The following ACTR6 variants were observed in gnomAD, a reference collection of about 807,000 sequenced individuals.
ACTR6 encodes actin related protein 6.
ACTR6 carries 50 observed loss-of-function variants against 52.5 expected under a neutral mutation model. That is an observed-to-expected ratio of 0.95 (90% CI 0.76 to 1.20). ACTR6 has a LOEUF of 1.20. Ranked by LOEUF, ACTR6 falls within the 50% of genes most tolerant of loss-of-function variation. ACTR6 has a pLI of 0.00. For synonymous variants in ACTR6, 135 were observed against 147.2 expected, an observed-to-expected ratio of 0.92 and a Z score of 0.60; for missense variants, 344 against 472.4, an observed-to-expected ratio of 0.73 and a Z score of 2.52.
chr12:100,215,252 T>G (rs923129495), intron 8 of ACTR6, among the ~76,000 whole-genome samples: 1 of 152,236 alleles, frequency 6.6e-6, no homozygotes, highest in Non-Finnish European at 1.5e-5. Flanking sequence ...GATGATTGGA[T>G]AGTCAACTAG....
intron 6 of ACTR6, 91 bp from the exon 7 acceptor site, chr12:100,212,165 C>A: frequency 1.1e-6 from 1 of 881,836 alleles, no homozygotes; most frequent in Non-Finnish European, 1.7e-6. Flanking sequence ...AATCAGTTAC[C>A]TGAAAATTTA....
At chr12:100,219,285 G>T (rs777428211) in intron 9 of ACTR6, among the ~76,000 whole-genome samples, 5 of 151,724 alleles carry the variant, frequency 3.3e-5, no homozygotes, top group Admixed American at 1.3e-4. Context: ...GTACTACACT[G>T]CTTTAAGGTC....
chr12:100,216,819 C>A (rs113083200), intron 8 of ACTR6, among the ~76,000 whole-genome samples: 2 of 147,802 alleles, frequency 1.4e-5, no homozygotes, highest in Admixed American at 1.3e-4. Context: ...TACTATATAA[C>A]AATATTTTGG....
chr12:100,218,518 C>G lies in ACTR6; in HGVS notation c.854C>G (p.Ser285Cys). 6.3e-7 allele frequency: 1 copy of G among 1,590,494 alleles called. No individual in the cohort carries two copies. The highest frequency in any genetic ancestry group is 1.1e-5 in the South Asian group (1 of 87,720). Reference sequence around the variant, plus strand: ...GTTCCGGAAATACTCTTTAATCCTTCTGATATAGGCATTCAAGAAATGGGA... The same window carrying G: ...GTTCCGGAAATACTCTTTAATCCTTGTGATATAGGCATTCAAGAAATGGGA... ...FAVPEILFNP[S>C]DIGIQEMGIP... Residue 285 changes from serine (S) to cysteine (C), a missense_variant, in exon 9 of 11, where the codon TCT becomes TGT. Coordinates refer to ENST00000188312, the MANE Select transcript of ACTR6 (RefSeq NM_022496.5). The surrounding 1 kb of genome is among the most constrained non-coding windows in gnomAD (Gnocchi z 4.2).
At chr12:100,223,324 G>C (rs868812065) in intron 10 of ACTR6, among the ~76,000 whole-genome samples, 3 of 151,934 alleles carry the variant, frequency 2.0e-5, no homozygotes, top group African/African-American at 7.3e-5. Context: ...CTGGGCGATA[G>C]AGTGAGACTC....
At chr12:100,209,468 C>T (rs2096118002) in intron 4 of ACTR6, among the ~76,000 whole-genome samples, 1 of 152,174 alleles carries the variant, frequency 6.6e-6, no homozygotes, top group African/African-American at 2.4e-5. Context: ...TTGCAGTGTG[C>T]CATGATCATT....
chr12:100,214,954 A>G (rs939609195), intron 8 of ACTR6, among the ~76,000 whole-genome samples: 1 of 152,206 alleles, frequency 6.6e-6, no homozygotes, highest in Admixed American at 6.5e-5. Context: ...AAACATTTAA[A>G]TACCAAACCT....
At chr12:100,213,100 G>T (rs528033114) in intron 8 of ACTR6, among the ~76,000 whole-genome samples, 12 of 151,018 alleles carry the variant, frequency 7.9e-5, no homozygotes, top group South Asian at 4.2e-4. Context: ...TGTTTTTTTG[G>T]TTTTTTTTGA....
chr12:100,218,762 GT>G lies in ACTR6; in HGVS notation c.922+185del, dbSNP rs926355529. 6.6e-5 allele frequency among the ~76,000 whole-genome samples: 10 copies of G among 150,578 alleles called. No homozygotes were observed. Among genetic ancestry groups the G allele is most frequent in the East Asian group, 1.9e-4 (1 of 5,164 alleles). ...ATTCTTGATTCATCTTTGATTATAA[GT>G]TTTTTTTTGTGATTATAAATTCGAT... is the stretch of plus-strand genomic sequence containing the variant. On this transcript the variant is annotated intron_variant, in intron 9 of 10. Coordinates refer to ENST00000188312, the MANE Select transcript of ACTR6 (RefSeq NM_022496.5). This position sits in a 1 kb window ranked among gnomAD's most constrained non-coding sequence, Gnocchi z 4.2.
chr12:100,203,516 G>A (rs1427272808), intron 1 of ACTR6, among the ~76,000 whole-genome samples: 3 of 152,134 alleles, frequency 2.0e-5, no homozygotes, highest in Admixed American at 2.0e-4. Context: ...TGTTGGCCAG[G>A]CTGGTCTTAA....
intron 1 of ACTR6, among the ~76,000 whole-genome samples, chr12:100,201,313 A>G (rs1011766051): frequency 4.6e-5 from 7 of 152,210 alleles, no homozygotes; most frequent in African/African-American, 1.7e-4. Flanking sequence ...AAAGGGTTCT[A>G]TGACCCTCCA....
chr12:100,200,959 C>T (rs1385468734), intron 1 of ACTR6, 40 bp downstream of exon 1: 1 of 1,613,540 alleles, frequency 6.2e-7, no homozygotes, highest in South Asian at 1.1e-5. Context: ...ATATATACGC[C>T]TAGTGGTTTC....
chr12:100,223,267 G>A (rs1310542139), intron 10 of ACTR6, among the ~76,000 whole-genome samples: 1 of 152,112 alleles, frequency 6.6e-6, no homozygotes, highest in Non-Finnish European at 1.5e-5. Flanking sequence ...TTTGAACCTG[G>A]GAGGCAGAGG....
At chr12:100,201,069 T>C (rs540499782) in intron 1 of ACTR6, 150 bp downstream of exon 1, 1 of 1,487,090 alleles carries the variant, frequency 6.7e-7, no homozygotes, top group East Asian at 2.5e-5. Flanking sequence ...GGGTGGGTGA[T>C]TGTGATGCTT....
At chr12:100,213,519 C>A (rs2096121648) in intron 8 of ACTR6, among the ~76,000 whole-genome samples, 1 of 152,168 alleles carries the variant, frequency 6.6e-6, no homozygotes, top group Non-Finnish European at 1.5e-5. Context: ...GCACATAGGG[C>A]AAATCTGGAG....
At chr12:100,211,012 TTTTA>T (rs2096119475) in intron 6 of ACTR6, among the ~76,000 whole-genome samples, 1 of 152,272 alleles carries the variant, frequency 6.6e-6, no homozygotes, top group Non-Finnish European at 1.5e-5. Flanking sequence ...CTTTTTACAA[TTTTA>T]TTATTACTAT....
rs1028946287 is a variant in ACTR6 at position 100,224,003 on chromosome 12, C to T, written c.*88C>T. On this transcript the variant is annotated 3_prime_UTR_variant, in exon 11 of 11. Transcript: ENST00000188312. Reference sequence around the variant, plus strand: ...GTTAAGGAACTGTGTTACCTTTTGTCCTAAGAAAAAGGCTTGAATTTATGT... The same window carrying T: ...GTTAAGGAACTGTGTTACCTTTTGTTCTAAGAAAAAGGCTTGAATTTATGT... 8.4e-6 allele frequency: 12 copies of T among 1,427,878 alleles called. No individual in the cohort carries two copies. The highest frequency in any genetic ancestry group is 1.1e-5 in the Non-Finnish European group (12 of 1,072,422). The allele number at this position is 1,427,878 out of a possible 1,614,324, so 88.5% of individuals were successfully genotyped here.
In ACTR6 at chr12:100,218,587, G is replaced by T; in HGVS notation, c.922+1G>T. The T allele has an allele frequency of 1.3e-6, 2 of 1,482,182 alleles. No homozygotes were observed. Among genetic ancestry groups the T allele is most frequent in the Non-Finnish European group, 1.8e-6 (2 of 1,110,360 alleles). 91.8% of individuals were successfully genotyped at this position (1,482,182 alleles called of 1,614,324 possible). ...TATTCAATTCAAAATCTACCTGAAG[G>T]TACATAAATAGAGTAAAATACTAAA... is the stretch of plus-strand genomic sequence containing the variant. On this transcript the variant is annotated splice_donor_variant, in intron 9 of 10. Coordinates refer to ENST00000188312, the MANE Select transcript of ACTR6 (RefSeq NM_022496.5). LOFTEE classifies it high-confidence loss of function. The surrounding 1 kb of genome is among the most constrained non-coding windows in gnomAD (Gnocchi z 4.2).
intron 10 of ACTR6, 94 bp from the exon 11 acceptor site, chr12:100,223,692 A>T (rs1439570906): frequency 6.8e-7 from 1 of 1,466,810 alleles, no homozygotes; most frequent in East Asian, 2.4e-5. Flanking sequence ...AAAAAACACA[A>T]ATTACTTTTG....
Sources: gnomAD v4.1 joint callset for allele counts (sites outside exome capture counted in the v4.1 genomes callset) on GRCh38, gnomAD v4.1.1 for gene constraint, Gnocchi (gnomAD v3.1) non-coding constraint, MANE v1.5 for transcripts, NCBI Gene and HGNC (gene_info 2026-07-23, HGNC 2026-07-21) for gene names.